ATP10D: variants seen among roughly 807,000 people sequenced by gnomAD.
ATP10D encodes phospholipid-transporting ATPase VD.
A neutral mutation model predicts 144.8 loss-of-function variants in ATP10D; 89 were observed. The observed-to-expected ratio is 0.61, with a 90% confidence interval of 0.52 to 0.73. ATP10D has a LOEUF of 0.73. Among genes scored for constraint, ATP10D ranks in the 30% least tolerant of loss-of-function variants. The pLI, the probability that ATP10D is intolerant of heterozygous loss-of-function variation, is 0.00. For synonymous variants in ATP10D, 571 were observed against 615.1 expected (o/e 0.93, Z 1.06); for missense variants, 1,603 against 1,714.8 (o/e 0.93, Z 1.15).
At chr4:47,584,028 C>T (rs959697786) in intron 21 of ATP10D, among the ~76,000 whole-genome samples, 4 of 152,036 alleles carry the variant, frequency 2.6e-5, no homozygotes, top group Admixed American at 2.0e-4. Flanking sequence ...AATATTTTGC[C>T]GAGACTGCAC....
At chr4:47,568,480 G>C (rs1227599022) in intron 15 of ATP10D, among the ~76,000 whole-genome samples, 2 of 152,192 alleles carry the variant, frequency 1.3e-5, no homozygotes, top group African/African-American at 2.4e-5. Flanking sequence ...TAATGAGAAA[G>C]TTAAGGCTTA....
chr4:47,525,759 C>A, intron 5 of ATP10D, 117 bp downstream of exon 5: 12 of 757,874 alleles, frequency 1.6e-5, no homozygotes, highest in Non-Finnish European at 2.4e-5. Flanking sequence ...AAGGTCGTAA[C>A]TTTAGCCACC....
intron 22 of ATP10D, 66 bp downstream of exon 22, chr4:47,587,272 T>G: frequency 7.0e-7 from 1 of 1,424,504 alleles, no homozygotes; most frequent in African/African-American, 1.4e-5. Context: ...TTCAAGCAAC[T>G]ACACTACTAC....
chr4:47,546,504 G>A (rs923675590), intron 9 of ATP10D, 120 bp from the exon 10 acceptor site: 3 of 873,868 alleles, frequency 3.4e-6, no homozygotes, highest in Non-Finnish European at 5.6e-6. Context: ...GTAGGCCTTG[G>A]CAGCCAGGTT....
intron 14 of ATP10D, 123 bp from the exon 15 acceptor site, chr4:47,563,458 A>G: frequency 1.3e-6 from 1 of 764,186 alleles, no homozygotes; most frequent in Non-Finnish European, 1.9e-6. Flanking sequence ...TCTCCTGAGC[A>G]GCTGGGCAGT....
At position 47,557,872 on chromosome 4, in the gene ATP10D, A is replaced by C; in HGVS notation, c.2033A>C (p.Gln678Pro). 1 of 1,614,172 alleles carries C rather than the reference A, an allele frequency of 6.2e-7. No homozygotes were observed. Among genetic ancestry groups the C allele is most frequent in the Non-Finnish European group, 8.5e-7 (1 of 1,180,000 alleles). ...PASPVEEEVSQVCESPQCSSS... is the reference protein window; with the variant it reads ...PASPVEEEVSPVCESPQCSSS... ...TCACCTGTGGAGGAAGAGGTCTCCC[A>C]GGTGTGTGAGAGCCCCCAGTGCTCC... The change falls in exon 12 of 23, where the codon CAG (glutamine) becomes CCG (proline). Residue 678 changes from glutamine to proline, a missense_variant. By Grantham distance (76) the Gln-to-Pro change is moderately conservative. Coordinates refer to ENST00000273859, the MANE Select transcript of ATP10D (RefSeq NM_020453.4).
In ATP10D at chr4:47,591,525, A is replaced by T; in HGVS notation, c.*144A>T. On this transcript the variant is annotated 3_prime_UTR_variant, in exon 23 of 23. Coordinates refer to ENST00000273859, the MANE Select transcript of ATP10D (RefSeq NM_020453.4). ...TGGAAGAGCTGACATGATGAGCATT[A>T]TTGTATGTTTGTATATACATTTGTG... The T allele has an allele frequency of 1.5e-6, 1 of 649,718 alleles. No individual in the cohort carries two copies. Among genetic ancestry groups the T allele is most frequent in the South Asian group, 2.2e-5 (1 of 45,422 alleles). The allele number at this position is 649,718 out of a possible 1,614,324, so 40.2% of individuals were successfully genotyped here.
At chr4:47,536,354 AT>A in intron 7 of ATP10D, 82 bp from the exon 8 acceptor site, 1 of 1,523,858 alleles carries the variant, frequency 6.6e-7, no homozygotes, top group Non-Finnish European at 8.9e-7. Flanking sequence ...GAATACTCTC[AT>A]TCCTTCTCCT....
chr4:47,590,126 GA>G (rs1389095072), intron 22 of ATP10D, among the ~76,000 whole-genome samples: 2 of 152,086 alleles, frequency 1.3e-5, no homozygotes, highest in Non-Finnish European at 2.9e-5. Context: ...AATACTGGCA[GA>G]AAAATTAGCT....
chr4:47,520,547 C>G (rs73237077), intron 3 of ATP10D, among the ~76,000 whole-genome samples: 46,607 of 151,776 alleles, frequency 0.31, 7,381 homozygotes, highest in Admixed American at 0.37. Context: ...AAATATTCTA[C>G]TTCGGTAACT....
chr4:47,563,113 A>G (rs933953825), intron 14 of ATP10D, among the ~76,000 whole-genome samples: 1 of 152,164 alleles, frequency 6.6e-6, no homozygotes, highest in Non-Finnish European at 1.5e-5. Flanking sequence ...AAATTACCTA[A>G]CAGGTACAAT....
At chr4:47,495,929 G>T (rs1175967601) in intron 1 of ATP10D, among the ~76,000 whole-genome samples, 1 of 151,772 alleles carries the variant, frequency 6.6e-6, no homozygotes, top group Non-Finnish European at 1.5e-5. Flanking sequence ...TAGAGATGGG[G>T]TTTCTCCATG....
intron 5 of ATP10D, among the ~76,000 whole-genome samples, chr4:47,530,217 G>T (rs564255982): frequency 2.0e-5 from 3 of 151,920 alleles, no homozygotes; most frequent in Non-Finnish European, 1.5e-5. Flanking sequence ...GCCTCTTGTC[G>T]AACCGGAACA....
At chr4:47,524,513 T>C in intron 4 of ATP10D, among the ~76,000 whole-genome samples, 1 of 152,226 alleles carries the variant, frequency 6.6e-6, no homozygotes, top group Non-Finnish European at 1.5e-5. Flanking sequence ...ACTATGAGTA[T>C]TAATCAGCAA....
At chr4:47,565,293 A>C (rs1719566352) in intron 15 of ATP10D, among the ~76,000 whole-genome samples, 1 of 152,178 alleles carries the variant, frequency 6.6e-6, no homozygotes, top group Non-Finnish European at 1.5e-5. Flanking sequence ...GACCTCAACC[A>C]GCACTCAGCT....
intron 22 of ATP10D, among the ~76,000 whole-genome samples, chr4:47,589,540 A>T (rs1214794851): frequency 1.3e-5 from 2 of 152,134 alleles, no homozygotes; most frequent in African/African-American, 4.8e-5. Flanking sequence ...TGATAGCTAC[A>T]TTTACTTATT....
rs367945829 is a variant in ATP10D at position 47,548,335 on chromosome 4, ATTTC to A, written c.1635+1477_1635+1480del. Among the ~76,000 whole-genome samples the A allele has an allele frequency of 8.5e-5, 13 of 152,280 alleles. No individual in the cohort carries two copies. The East Asian group carries it at 2.3e-3, about 27-fold the overall frequency. ...ATCCATCAAATCTGGTGAAATATTT[ATTTC>A]TTTAAGAACTAAATTAAAAATATCA... On this transcript the variant is annotated intron_variant, in intron 10 of 22. Transcript: ENST00000273859.
intron 18 of ATP10D, among the ~76,000 whole-genome samples, chr4:47,575,953 A>T: frequency 1.0e-5 from 1 of 96,154 alleles, no homozygotes; most frequent in Admixed American, 1.5e-4. Context: ...TTTTTTTGAG[A>T]CGGAGTCTCG....
At chr4:47,497,394 G>A (rs1715444729) in intron 1 of ATP10D, among the ~76,000 whole-genome samples, 1 of 152,120 alleles carries the variant, frequency 6.6e-6, no homozygotes, top group African/African-American at 2.4e-5. Context: ...GACCGATGTT[G>A]CAGTGAGCTG....
Sources: allele counts gnomAD v4.1 joint callset (sites outside exome capture counted in the v4.1 genomes callset), GRCh38; gene constraint gnomAD v4.1.1; transcripts MANE v1.5; gene names NCBI Gene and HGNC (gene_info 2026-07-23, HGNC 2026-07-21).